DPP10: variants seen among roughly 807,000 people sequenced by gnomAD.
DPP10 encodes the protein dipeptidyl peptidase like 10.
In DPP10, 33 loss-of-function variants were observed where a neutral mutation model predicts 120.9. The ratio of observed to expected loss-of-function variants is 0.27; its 90% CI spans 0.21 to 0.37. DPP10 has a LOEUF of 0.37. DPP10 is among the 10% of genes least tolerant of loss of function. The pLI is 1.00. For synonymous variants in DPP10, 337 were observed against 326.1 expected (o/e 1.03, Z -0.36); for missense variants, 816 against 942.8 (o/e 0.87, Z 1.76).
chr2:115,432,053 C>A (rs889643901), intron 3 of DPP10, among the ~76,000 whole-genome samples: 4 of 152,050 alleles, frequency 2.6e-5, no homozygotes, highest in Non-Finnish European at 5.9e-5. Flanking sequence ...CTATAAATTA[C>A]CCATACTCCA....
chr2:114,764,529 G>T (rs1680549376), intron 1 of DPP10, among the ~76,000 whole-genome samples: 1 of 151,782 alleles, frequency 6.6e-6, no homozygotes, highest in African/African-American at 2.4e-5. Context: ...TGTGTATGAG[G>T]TCAGTAAAAT....
intron 12 of DPP10, among the ~76,000 whole-genome samples, chr2:115,764,140 T>C (rs1426228356): frequency 1.3e-5 from 2 of 152,004 alleles, no homozygotes; most frequent in Admixed American, 1.3e-4. Flanking sequence ...TTTTTTTTGC[T>C]AAGATACAAG....
chr2:115,460,953 C>T (rs142815400), intron 3 of DPP10, among the ~76,000 whole-genome samples: 248 of 152,220 alleles, frequency 1.6e-3, no homozygotes, highest in African/African-American at 5.9e-3. Flanking sequence ...GTGACAATTT[C>T]TCGTTATATT....
chr2:115,766,318 ATATATATGTATATATATATG>A (rs1329879857), intron 12 of DPP10, among the ~76,000 whole-genome samples: 39 of 83,922 alleles, frequency 4.6e-4, no homozygotes, highest in African/African-American at 1.2e-3. Context: ...GTGTATATAT[ATATATATGTATATATATATG>A]TATATATATA....
chr2:115,149,817 T>A (rs373505493), intron 1 of DPP10, among the ~76,000 whole-genome samples: 1 of 152,222 alleles, frequency 6.6e-6, no homozygotes, highest in Non-Finnish European at 1.5e-5. Flanking sequence ...GACATACTTA[T>A]ACTAAAAAAT....
intron 1 of DPP10, among the ~76,000 whole-genome samples, chr2:114,873,152 A>T (rs78546948): frequency 0.024 from 3,604 of 152,308 alleles, 66 homozygotes; most frequent in Non-Finnish European, 0.036. Flanking sequence ...TTGCTAAAGT[A>T]AAGAAGTCCT....
intron 1 of DPP10, among the ~76,000 whole-genome samples, chr2:115,006,110 G>C (rs931582532): frequency 5.9e-5 from 9 of 151,850 alleles, no homozygotes; most frequent in East Asian, 5.8e-4. Flanking sequence ...TCATATCCAG[G>C]CAAACTAAGT....
chr2:114,452,981 A>G (rs13416564), intron 1 of DPP10, among the ~76,000 whole-genome samples: 8,767 of 152,098 alleles, frequency 0.058, 450 homozygotes, highest in African/African-American at 0.14. Flanking sequence ...CTTGTTGGTT[A>G]GAACTAAATC....
At chr2:114,553,424 G>A (rs965743241) in intron 1 of DPP10, among the ~76,000 whole-genome samples, 1 of 152,206 alleles carries the variant, frequency 6.6e-6, no homozygotes, top group African/African-American at 2.4e-5. Context: ...GAAGATGATA[G>A]ATTTCCAGTG....
At chr2:114,825,636 G>T (rs1380102354) in intron 1 of DPP10, among the ~76,000 whole-genome samples, 1 of 152,154 alleles carries the variant, frequency 6.6e-6, no homozygotes, top group African/African-American at 2.4e-5. Flanking sequence ...ATTCATTGAA[G>T]CATTCTATGA....
At chr2:115,814,590 T>C (rs1687015872) in intron 19 of DPP10, 1 of 383,258 alleles carries the variant, frequency 2.6e-6, no homozygotes, top group African/African-American at 2.1e-5. Flanking sequence ...TCAGGGAACT[T>C]TTCAATTACA....
In DPP10 at chr2:114,881,457, G is replaced by GTCTATCTATCTATCTATCTA. The variant is rs56811813; in HGVS notation, c.61-427767_61-427748dup. 2.6e-3 allele frequency among the ~76,000 whole-genome samples: 371 copies of GTCTATCTATCTATCTATCTA among 144,332 alleles called. 4 individuals carry two copies. Among genetic ancestry groups the GTCTATCTATCTATCTATCTA allele is most frequent in the Non-Finnish European group, 3.0e-3 (202 of 66,520 alleles). 94.7% of individuals were successfully genotyped at this position (144,332 alleles called of 152,430 possible). A position where few individuals can be genotyped will look rare whatever the true frequency, so the allele number is the denominator to read the frequency against. On this transcript the variant is annotated intron_variant, in intron 1 of 25. Transcript: ENST00000410059. Reference sequence around the variant, plus strand: ...TCTTTACCTATCTGTCTGTCTGTCTGTCTATCTATCTATCTATCTATCTAT... The same window carrying GTCTATCTATCTATCTATCTA: ...TCTTTACCTATCTGTCTGTCTGTCTGTCTATCTATCTATCTATCTATCTATCTATCTATCTATCTATCTAT...
chr2:115,305,108 C>T (rs1309325051), intron 1 of DPP10, among the ~76,000 whole-genome samples: 1 of 151,998 alleles, frequency 6.6e-6, no homozygotes, highest in Non-Finnish European at 1.5e-5. Flanking sequence ...AAAGTAGCAC[C>T]ATCTATGGAT....
At chr2:115,805,014 G>A (rs1208877791) in intron 19 of DPP10, among the ~76,000 whole-genome samples, 1 of 152,200 alleles carries the variant, frequency 6.6e-6, no homozygotes, top group African/African-American at 2.4e-5. Context: ...GTTTGTCTGT[G>A]CCCTGCCCCC....
chr2:114,625,093 T>C (rs1483148014), intron 1 of DPP10, among the ~76,000 whole-genome samples: 2 of 152,058 alleles, frequency 1.3e-5, no homozygotes, highest in Non-Finnish European at 2.9e-5. Context: ...AATTTATTTG[T>C]CTGAATCAAG....
intron 7 of DPP10, among the ~76,000 whole-genome samples, chr2:115,722,689 C>A (rs1190058611): frequency 3.3e-5 from 5 of 152,110 alleles, no homozygotes; most frequent in African/African-American, 1.2e-4. Flanking sequence ...ATATTAAAAT[C>A]TCATGGACCA....
At chr2:115,532,770 G>A (rs1198530357) in intron 5 of DPP10, among the ~76,000 whole-genome samples, 3 of 151,948 alleles carry the variant, frequency 2.0e-5, no homozygotes, top group African/African-American at 7.2e-5. Flanking sequence ...CAGAATATTT[G>A]TGGTTAATAT....
chr2:115,356,019 G>A (rs1368693180), intron 3 of DPP10, among the ~76,000 whole-genome samples: 1 of 152,068 alleles, frequency 6.6e-6, no homozygotes, highest in Non-Finnish European at 1.5e-5. Context: ...TTTTTGTTTA[G>A]GATTGTCTTG....
intron 5 of DPP10, among the ~76,000 whole-genome samples, chr2:115,591,770 A>T (rs540422556): frequency 2.6e-5 from 4 of 152,192 alleles, no homozygotes; most frequent in African/African-American, 9.6e-5. Flanking sequence ...CACGATATTA[A>T]TTCTTCCTAT....
Sources: allele counts gnomAD v4.1 joint callset (sites outside exome capture counted in the v4.1 genomes callset), GRCh38; gene constraint gnomAD v4.1.1; transcripts MANE v1.5; gene names NCBI Gene and HGNC (gene_info 2026-07-23, HGNC 2026-07-21).